PDS5B: variants seen among roughly 807,000 people sequenced by gnomAD.
PDS5B encodes the protein sister chromatid cohesion protein PDS5 homolog B.
PDS5B carries 51 observed loss-of-function variants against 184.1 expected under a neutral mutation model. The ratio of observed to expected loss-of-function variants is 0.28; its 90% confidence interval spans 0.22 to 0.35. The LOEUF is 0.35. PDS5B is among the 10% of genes least tolerant of loss of function. PDS5B has a pLI of 1.00. For missense variants in PDS5B, 1,180 were observed against 1,723.3 expected, an observed-to-expected ratio of 0.68 and a Z score of 5.58; for synonymous variants, 566 against 569.2, an observed-to-expected ratio of 0.99 and a Z score of 0.08.
At chr13:32,588,340 A>G (rs1252972775) in intron 1 of PDS5B, among the ~76,000 whole-genome samples, 1 of 152,244 alleles carries the variant, frequency 6.6e-6, no homozygotes, top group Non-Finnish European at 1.5e-5. Context: ...GTAAAAACAC[A>G]TCTTAAGAAC....
At chr13:32,774,200 C>T (rs1230044676) in intron 34 of PDS5B, among the ~76,000 whole-genome samples, 1 of 152,216 alleles carries the variant, frequency 6.6e-6, no homozygotes, top group African/African-American at 2.4e-5. Context: ...AGTAGAAGCT[C>T]TTCTCCTATC....
At chr13:32,656,542 G>A (rs970470213) in intron 3 of PDS5B, among the ~76,000 whole-genome samples, 2 of 148,772 alleles carry the variant, frequency 1.3e-5, no homozygotes, top group African/African-American at 4.9e-5. Context: ...TGTTGTGGAG[G>A]TCTTTTACCA....
intron 1 of PDS5B, among the ~76,000 whole-genome samples, chr13:32,626,041 T>G (rs941666625): frequency 2.6e-5 from 4 of 152,136 alleles, no homozygotes; most frequent in Non-Finnish European, 4.4e-5. Flanking sequence ...GGTTTTGCCA[T>G]GTTGGCCAGT....
intron 2 of PDS5B, among the ~76,000 whole-genome samples, chr13:32,651,169 T>G (rs1011374749): frequency 2.0e-5 from 3 of 152,242 alleles, no homozygotes; most frequent in Non-Finnish European, 4.4e-5. Flanking sequence ...TTTAGCTTCC[T>G]TTGTCTTAAC....
intron 18 of PDS5B, among the ~76,000 whole-genome samples, chr13:32,708,601 G>A (rs1035819435): frequency 2.0e-5 from 3 of 152,062 alleles, no homozygotes; most frequent in East Asian, 3.9e-4. Context: ...GAAGGTACCC[G>A]TCTTTTTAAC....
intron 1 of PDS5B, among the ~76,000 whole-genome samples, chr13:32,619,947 C>T (rs528722149): frequency 7.9e-5 from 12 of 152,024 alleles, no homozygotes; most frequent in South Asian, 2.1e-4. Context: ...TACAGGGGCC[C>T]GCAACCACGC....
intron 7 of PDS5B, 149 bp downstream of exon 7, chr13:32,667,993 T>C (rs941411151): frequency 4.4e-6 from 2 of 452,588 alleles, no homozygotes; most frequent in Non-Finnish European, 7.9e-6. Context: ...TCTTTCTCCT[T>C]CTTAAAATTA....
At chr13:32,679,909 G>GTGTC (rs1555301533) in intron 10 of PDS5B, among the ~76,000 whole-genome samples, 168 of 149,506 alleles carry the variant, frequency 1.1e-3, no homozygotes, top group African/African-American at 3.1e-3. Flanking sequence ...GTGTGTGTGT[G>GTGTC]TGTGTGTCTG....
At chr13:32,649,677 G>T (rs1196410699) in intron 2 of PDS5B, 1 of 152,082 alleles carries the variant, frequency 6.6e-6, no homozygotes, top group African/African-American at 2.4e-5. Context: ...ATGGTGTATA[G>T]AATTTTTATA....
At position 32,777,585 on chromosome 13, in the gene PDS5B, A is replaced by T. The variant is rs1321200764; in HGVS notation, c.*2533A>T. The T allele has an allele frequency of 6.6e-6, 1 of 152,364 alleles. No homozygotes were observed. The highest frequency in any genetic ancestry group is 6.6e-5 in the Admixed American group (1 of 15,246). The allele number at this position is 152,364 out of a possible 1,614,324, so 9.4% of individuals were successfully genotyped here. On this transcript the variant is annotated 3_prime_UTR_variant, in exon 35 of 35. Transcript: ENST00000315596. ...ATTTTGAAAATATGTACTGTATAACATTAAGAAAATATTTAACTCCCTGTA... is the reference window on the plus strand; with the variant it reads ...ATTTTGAAAATATGTACTGTATAACTTTAAGAAAATATTTAACTCCCTGTA...
At chr13:32,600,668 A>T (rs936055347) in intron 1 of PDS5B, among the ~76,000 whole-genome samples, 2 of 152,152 alleles carry the variant, frequency 1.3e-5, no homozygotes, top group Non-Finnish European at 2.9e-5. Context: ...GAACCTGGGA[A>T]GCAGAGGTTG....
At chr13:32,728,157 CT>C (rs930441237) in intron 19 of PDS5B, among the ~76,000 whole-genome samples, 8 of 150,944 alleles carry the variant, frequency 5.3e-5, no homozygotes, top group African/African-American at 1.2e-4. Flanking sequence ...ATTTTTATAT[CT>C]TTTTTTATAT....
chr13:32,634,062 C>T (rs1441491740), intron 1 of PDS5B, among the ~76,000 whole-genome samples: 1 of 152,062 alleles, frequency 6.6e-6, no homozygotes, highest in Non-Finnish European at 1.5e-5. Context: ...TGTTATCTTC[C>T]AGTTGTTCAG....
intron 21 of PDS5B, 118 bp from the exon 22 acceptor site, chr13:32,740,961 TA>T (rs1360601470): frequency 1.6e-6 from 1 of 641,024 alleles, no homozygotes; most frequent in African/African-American, 1.9e-5. Context: ...TTTAGTCATA[TA>T]TAACAAATGT....
intron 6 of PDS5B, 130 bp from the exon 7 acceptor site, chr13:32,667,634 C>A: frequency 1.7e-6 from 1 of 581,494 alleles, no homozygotes; most frequent in Non-Finnish European, 3.0e-6. Flanking sequence ...AGTGGTTTTG[C>A]CTTCTCTCTT....
chr13:32,770,050 T>G (rs1170490044), intron 31 of PDS5B, 71 bp from the exon 32 acceptor site: 2 of 1,359,766 alleles, frequency 1.5e-6, no homozygotes, highest in South Asian at 1.4e-5. Context: ...ACAGATTTTT[T>G]TGTTTCATTC....
In PDS5B at chr13:32,725,207, G is replaced by A. The variant is rs145336642; in HGVS notation, c.2124-6894G>A. Among the ~76,000 whole-genome samples the A allele has an allele frequency of 1.2e-3, 183 of 152,244 alleles. 1 individual carries two copies. The highest frequency in any genetic ancestry group is 4.1e-3 in the African/African-American group (172 of 41,538). On this transcript the variant is annotated intron_variant, in intron 19 of 34. Coordinates refer to ENST00000315596, the MANE Select transcript of PDS5B (RefSeq NM_015032.4). ...TTGATTTTTTGAATGTTATTTAGTAGTATTCAAAATAAAGAGGACTAGTGT... is the reference window on the plus strand; with the variant it reads ...TTGATTTTTTGAATGTTATTTAGTAATATTCAAAATAAAGAGGACTAGTGT...
intron 2 of PDS5B, chr13:32,649,692 G>T (rs1244634700): frequency 6.6e-6 from 1 of 152,044 alleles, no homozygotes; most frequent in African/African-American, 2.4e-5. Flanking sequence ...TTTATAAAGA[G>T]AAAAAGATGC....
chr13:32,643,762 G>C (rs1950156823), intron 1 of PDS5B, among the ~76,000 whole-genome samples: 1 of 152,104 alleles, frequency 6.6e-6, no homozygotes, highest in Non-Finnish European at 1.5e-5. Context: ...GTAGTAGTCT[G>C]TTCCATTTAG....
Sources: allele counts gnomAD v4.1 joint callset (sites outside exome capture counted in the v4.1 genomes callset), GRCh38; gene constraint gnomAD v4.1.1; transcripts MANE v1.5; gene names NCBI Gene and HGNC (gene_info 2026-07-23, HGNC 2026-07-21).